The following SDK1 variants were observed in gnomAD, a reference collection of about 807,000 sequenced individuals.
SDK1 encodes the protein sidekick cell adhesion molecule 1.
A neutral mutation model predicts 245.5 loss-of-function variants in SDK1; 157 were observed. The ratio of observed to expected loss-of-function variants is 0.64; its 90% CI spans 0.56 to 0.73. SDK1 has a LOEUF of 0.73. Among genes scored for constraint, SDK1 ranks in the 30% least tolerant of loss-of-function variants. The probability of loss-of-function intolerance (pLI) is 0.00; values close to 1 mark genes in which losing one functional copy is unlikely to be tolerated. For synonymous variants in SDK1, 1,647 were observed against 1,278.5 expected (o/e 1.29, Z -6.15); for missense variants, 3,583 against 3,002.3 (o/e 1.19, Z -4.52).
intron 5 of SDK1, among the ~76,000 whole-genome samples, chr7:3,871,666 C>A (rs6963674): frequency 6.6e-6 from 1 of 151,936 alleles, no homozygotes; most frequent in East Asian, 1.9e-4. Context: ...AAGCAAGTAG[C>A]GGGGAGGCGC....
chr7:4,221,422 G>T, intron 40 of SDK1, 58 bp downstream of exon 40: 1 of 1,534,056 alleles, frequency 6.5e-7, no homozygotes, highest in Non-Finnish European at 8.8e-7. Context: ...GTGCTTCTAA[G>T]ACTGTGTCGG....
rs1329387324 is a variant in SDK1, at chr7:4,127,598, G to C, written c.3939+102G>C. The C allele has an allele frequency of 6.2e-6, 5 of 801,270 alleles. No individual in the cohort carries two copies. In the African/African-American group the frequency reaches 6.8e-5, roughly 11 times the overall value. The allele number at this position is 801,270 out of a possible 1,614,324, so 49.6% of individuals were successfully genotyped here. ...GCAACGAGCTTCCTCTTCTCCTACA[G>C]ATCTGCAGCGTCAGCCAGTTTGTGA... On this transcript the variant is annotated intron_variant, in intron 26 of 44. Transcript: ENST00000404826.
At chr7:3,860,243 C>T (rs532040662) in intron 5 of SDK1, among the ~76,000 whole-genome samples, 1 of 152,100 alleles carries the variant, frequency 6.6e-6, no homozygotes, top group East Asian at 1.9e-4. Flanking sequence ...GGCCCTATAA[C>T]AAAATTGAGA....
intron 1 of SDK1, among the ~76,000 whole-genome samples, chr7:3,529,211 C>G (rs1168444257): frequency 1.3e-5 from 2 of 152,118 alleles, no homozygotes; most frequent in South Asian, 2.1e-4. Flanking sequence ...AATATAGAGA[C>G]ACACTCATAT....
chr7:3,980,364 TTC>T, intron 13 of SDK1, among the ~76,000 whole-genome samples: 1 of 152,350 alleles, frequency 6.6e-6, no homozygotes, highest in Middle Eastern at 3.4e-3. Flanking sequence ...TTTCCCCCTA[TTC>T]TCTTTCAATT....
At chr7:3,881,652 A>G (rs954670899) in intron 5 of SDK1, among the ~76,000 whole-genome samples, 1 of 152,144 alleles carries the variant, frequency 6.6e-6, no homozygotes, top group African/African-American at 2.4e-5. Flanking sequence ...GTCAAATGGT[A>G]TTTCTGCTTC....
At chr7:4,189,289 G>T (rs1783057691) in intron 35 of SDK1, among the ~76,000 whole-genome samples, 2 of 144,326 alleles carry the variant, frequency 1.4e-5, no homozygotes, top group African/African-American at 5.7e-5. Flanking sequence ...CCTGGGTATT[G>T]TAATGGCTCG....
chr7:4,088,948 T>C (rs2342501), intron 22 of SDK1, among the ~76,000 whole-genome samples: 50,191 of 151,102 alleles, frequency 0.33, 10,568 homozygotes, highest in African/African-American at 0.6. Context: ...CTTGTGGGCA[T>C]CTGCACAATG....
At chr7:3,814,879 T>C (rs1779469004) in intron 4 of SDK1, among the ~76,000 whole-genome samples, 2 of 152,174 alleles carry the variant, frequency 1.3e-5, no homozygotes, top group East Asian at 3.9e-4. Flanking sequence ...GAAGCAATTG[T>C]GAATGGGAGT....
intron 1 of SDK1, among the ~76,000 whole-genome samples, chr7:3,468,795 C>A (rs1452594081): frequency 6.6e-6 from 1 of 152,112 alleles, no homozygotes; most frequent in Non-Finnish European, 1.5e-5. Flanking sequence ...GACAACTTCC[C>A]TAGTATCTTT....
intron 29 of SDK1, among the ~76,000 whole-genome samples, chr7:4,148,497 C>G (rs963831842): frequency 1.3e-5 from 2 of 152,216 alleles, no homozygotes; most frequent in African/African-American, 4.8e-5. Flanking sequence ...GTGCCCTCAC[C>G]TACAGCAGCA....
At chr7:3,999,937 T>C (rs1020900500) in intron 14 of SDK1, among the ~76,000 whole-genome samples, 1 of 152,128 alleles carries the variant, frequency 6.6e-6, no homozygotes, top group African/African-American at 2.4e-5. Context: ...CCGAGTCTTG[T>C]ACAACAAAGA....
At position 3,690,273 on chromosome 7, in the gene SDK1, C is replaced by A. The variant is rs564995705; in HGVS notation, c.713+48168C>A. Among the ~76,000 whole-genome samples the A allele has an allele frequency of 5.5e-4, 84 of 152,238 alleles. 2 individuals are homozygous for A. In the South Asian group the frequency reaches 0.017, roughly 31 times the overall value. On this transcript the variant is annotated intron_variant, in intron 4 of 44. Coordinates refer to ENST00000404826, the MANE Select transcript of SDK1 (RefSeq NM_152744.4). ...TTAGCACAAATCCAGAACTAAATGA[C>A]AGGTTATACTTCTGTCTCAAGCATC...
At chr7:3,543,461 G>T (rs903471500) in intron 1 of SDK1, among the ~76,000 whole-genome samples, 3 of 152,218 alleles carry the variant, frequency 2.0e-5, no homozygotes, top group Non-Finnish European at 4.4e-5. Context: ...TGGGTGCCAG[G>T]TGAGTGGGAG....
intron 4 of SDK1, among the ~76,000 whole-genome samples, chr7:3,767,256 A>G (rs915589463): frequency 3.3e-5 from 5 of 152,126 alleles, no homozygotes; most frequent in Non-Finnish European, 7.4e-5. Context: ...GCAGAGGGAC[A>G]CTTGGACTCT....
intron 1 of SDK1, among the ~76,000 whole-genome samples, chr7:3,398,747 C>A (rs1460699366): frequency 3.3e-5 from 5 of 149,494 alleles, no homozygotes; most frequent in African/African-American, 9.8e-5. Context: ...GTATGGGTCC[C>A]CTAAGACTGA....
intron 17 of SDK1, among the ~76,000 whole-genome samples, chr7:4,045,849 G>A (rs1479884215): frequency 6.6e-6 from 1 of 152,076 alleles, no homozygotes; most frequent in African/African-American, 2.4e-5. Context: ...ATTTCCTGTC[G>A]TTCTATTGGC....
intron 1 of SDK1, among the ~76,000 whole-genome samples, chr7:3,369,002 T>C (rs1781157989): frequency 6.6e-6 from 1 of 152,126 alleles, no homozygotes; most frequent in Admixed American, 6.6e-5. Context: ...AGTTAGTAAG[T>C]GTCAATAATC....
chr7:3,687,257 G>T (rs1184982974), intron 4 of SDK1, among the ~76,000 whole-genome samples: 1 of 151,486 alleles, frequency 6.6e-6, no homozygotes, highest in South Asian at 2.1e-4. Flanking sequence ...GCCTCCCAAG[G>T]AGCTGGGACT....
Sources: allele counts gnomAD v4.1 joint callset (sites outside exome capture counted in the v4.1 genomes callset), GRCh38; gene constraint gnomAD v4.1.1; transcripts MANE v1.5; gene names NCBI Gene and HGNC (gene_info 2026-07-23, HGNC 2026-07-21).